PHACTR2: variants seen among roughly 807,000 people sequenced by gnomAD.
PHACTR2 encodes the protein chromosome 6 open reading frame 56.
PHACTR2 carries 30 observed loss-of-function variants against 76.0 expected under a neutral mutation model. The observed-to-expected ratio is 0.39, with a 90% CI of 0.30 to 0.54. The LOEUF (loss-of-function observed/expected upper bound fraction) is 0.54. PHACTR2 is among the 20% of genes least tolerant of loss of function. The probability of loss-of-function intolerance (pLI) is 0.61; values close to 1 mark genes in which losing one functional copy is unlikely to be tolerated. For synonymous variants in PHACTR2, 292 were observed against 292.5 expected (o/e 1.00, Z 0.02); for missense variants, 696 against 781.1 (o/e 0.89, Z 1.30).
chr6:143,826,905 A>G lies in PHACTR2; in HGVS notation c.*3216A>G, dbSNP rs1776541361. On this transcript the variant is annotated 3_prime_UTR_variant, in exon 13 of 13. Transcript: ENST00000440869. ...CCAGAAAAACTGACTTTCTGGTTTC[A>G]TCTTCATATTGTTTAGTAGCATAAT... The G allele has an allele frequency of 6.6e-6, 1 of 151,992 alleles. No individual in the cohort carries two copies. Among genetic ancestry groups the G allele is most frequent in the Non-Finnish European group, 1.5e-5 (1 of 67,966 alleles). The allele number at this position is 151,992 out of a possible 1,614,324, so 9.4% of individuals were successfully genotyped here.
At chr6:143,593,363 G>A (rs536981911) in intron 1 of PHACTR2, among the ~76,000 whole-genome samples, 1 of 152,270 alleles carries the variant, frequency 6.6e-6, no homozygotes, top group African/African-American at 2.4e-5. Context: ...CGGTAGGCCA[G>A]AGAATACTTT....
In PHACTR2 at chr6:143,710,967, C is replaced by A; in HGVS notation, c.47-1049C>A. 1 of 497,630 alleles carries A rather than the reference C, an allele frequency of 2.0e-6. No homozygotes were observed. The highest frequency in any genetic ancestry group is 3.3e-4 in the Middle Eastern group (1 of 3,040). The allele number at this position is 497,630 out of a possible 1,614,324, so 30.8% of individuals were successfully genotyped here. A position where few individuals can be genotyped will look rare whatever the true frequency, so the allele number is the denominator to read the frequency against. ...TTATTATTTTTGACGGACATCAGTA[C>A]ACTTCACCTCTAAACACTTCAGCAT... On this transcript the variant is annotated intron_variant, in intron 1 of 12. Transcript: ENST00000440869. The surrounding 1 kb of genome is among the most constrained non-coding windows in gnomAD (Gnocchi z 4.9).
Position 143,654,335 on chromosome 6 carries a change from T to C in PHACTR2, c.13+46013T>C, listed in dbSNP as rs1374006037. On this transcript the variant is annotated intron_variant, in intron 1 of 11. Coordinates refer to the PHACTR2 transcript ENST00000305766. The surrounding 1 kb of genome is among the most constrained non-coding windows in gnomAD (Gnocchi z 4.6). The stretch of plus-strand genomic sequence containing the variant: ...TTACCATATGAACAGCAATTCTACT[T>C]CTAGGTATATACCCAAAAAAATGAA... Among the ~76,000 whole-genome samples, 1 of 152,192 alleles carries C rather than the reference T, an allele frequency of 6.6e-6. No homozygotes were observed. The highest frequency in any genetic ancestry group is 1.5e-5 in the Non-Finnish European group (1 of 68,034).
At chr6:143,630,203 T>C (rs1431719623) in intron 1 of PHACTR2, among the ~76,000 whole-genome samples, 11 of 78,328 alleles carry the variant, frequency 1.4e-4, no homozygotes, top group Admixed American at 1.1e-3. Context: ...ATCAAAAAAT[T>C]AAAAGACTTT....
intron 1 of PHACTR2, among the ~76,000 whole-genome samples, chr6:143,622,399 C>G (rs916578951): frequency 6.6e-6 from 1 of 152,154 alleles, no homozygotes; most frequent in Admixed American, 6.5e-5. Context: ...CTGTTCTCCT[C>G]GCGTACATCT....
intron 1 of PHACTR2, among the ~76,000 whole-genome samples, chr6:143,702,469 T>C (rs950530833): frequency 1.3e-5 from 2 of 152,148 alleles, no homozygotes; most frequent in Non-Finnish European, 2.9e-5. Flanking sequence ...GTGTTGCTGG[T>C]TCACCATGAG....
rs990226442 is a variant in PHACTR2, at chr6:143,585,126, C to T, written c.217+47919C>T. On this transcript the variant is annotated intron_variant, in intron 1 of 11. Transcript: ENST00000367584. This position sits in a 1 kb window ranked among gnomAD's most constrained non-coding sequence, Gnocchi z 5.2. ...GCAGGACCAAGGCCTGGCAGTAGAC[C>T]CGTACACCAAGGGGGACCAGTGGAA... 1.3e-5 allele frequency among the ~76,000 whole-genome samples: 2 copies of T among 152,074 alleles called. No homozygotes were observed. The highest frequency in any genetic ancestry group is 4.8e-5 in the African/African-American group (2 of 41,400).
Position 143,653,068 on chromosome 6 carries a change from G to A in PHACTR2, c.13+44746G>A, listed in dbSNP as rs907482768. On this transcript the variant is annotated intron_variant, in intron 1 of 11. Transcript: ENST00000305766. This position sits in a 1 kb window ranked among gnomAD's most constrained non-coding sequence, Gnocchi z 4.9. ...AAGAGAATTGTACTTGATGGCACAC[G>A]GTGTGATGGTTGCCTCACTGCCAGA... is the stretch of plus-strand genomic sequence containing the variant. Among the ~76,000 whole-genome samples the A allele has an allele frequency of 6.6e-6, 1 of 152,166 alleles. No homozygotes were observed. The highest frequency in any genetic ancestry group is 2.4e-5 in the African/African-American group (1 of 41,442).
chr6:143,608,421 C>A lies in PHACTR2; in HGVS notation c.13+99C>A. 1 of 1,232,286 alleles carries A rather than the reference C, an allele frequency of 8.1e-7. No individual in the cohort carries two copies. Among genetic ancestry groups the A allele is most frequent in the Non-Finnish European group, 1.2e-6 (1 of 840,858 alleles). 76.3% of individuals were successfully genotyped at this position (1,232,286 alleles called of 1,614,324 possible). On this transcript the variant is annotated intron_variant, in intron 1 of 11. Coordinates refer to the PHACTR2 transcript ENST00000305766. This position sits in a 1 kb window ranked among gnomAD's most constrained non-coding sequence, Gnocchi z 4.6. ...TTGCCTATTTGTTGCTCTCGTTTTG[C>A]ACTTAAATGTTCAAGACTGAGACGC... is the stretch of plus-strand genomic sequence containing the variant.
rs561450803 is a variant in PHACTR2 at position 143,671,342 on chromosome 6, A to T, written c.14-40674A>T. Among the ~76,000 whole-genome samples, 13 of 152,168 alleles carry T rather than the reference A, an allele frequency of 8.5e-5. No individual in the cohort carries two copies. The South Asian group carries it at 2.7e-3, about 32-fold the overall frequency. On this transcript the variant is annotated intron_variant, in intron 1 of 11. Transcript: ENST00000305766. The surrounding 1 kb of genome is among the most constrained non-coding windows in gnomAD (Gnocchi z 4.6). ...CCACACCATTTCCCCTGGATTCCTCAAACATATGCCATGCTCCTGTCTTTA... is the reference window on the plus strand; with the variant it reads ...CCACACCATTTCCCCTGGATTCCTCTAACATATGCCATGCTCCTGTCTTTA...
intron 1 of PHACTR2, among the ~76,000 whole-genome samples, chr6:143,630,645 C>T (rs1776349228): frequency 6.6e-6 from 1 of 152,178 alleles, no homozygotes; most frequent in Admixed American, 6.5e-5. Context: ...ATCCAACACG[C>T]TTGGCAAGGC....
chr6:143,650,079 T>G (rs1392317648), intron 1 of PHACTR2, among the ~76,000 whole-genome samples: 3 of 152,094 alleles, frequency 2.0e-5, no homozygotes, highest in African/African-American at 7.2e-5. Context: ...ATGAATGAAC[T>G]ACCATTCACA....
In PHACTR2 at chr6:143,684,122, T is replaced by C. The variant is rs1777460846; in HGVS notation, c.46+5913T>C. On this transcript the variant is annotated intron_variant, in intron 1 of 12. Transcript: ENST00000440869. The surrounding 1 kb of genome is among the most constrained non-coding windows in gnomAD (Gnocchi z 4.3). The stretch of plus-strand genomic sequence containing the variant: ...ATGTATATGCTCTTATGAACAATAC[T>C]GAAATGAACATCCATATCTATGACC... Among the ~76,000 whole-genome samples the C allele has an allele frequency of 6.6e-6, 1 of 152,190 alleles. No homozygotes were observed. The highest frequency in any genetic ancestry group is 2.1e-4 in the South Asian group (1 of 4,828).
In PHACTR2 at chr6:143,648,047, C is replaced by T. The variant is rs781662699; in HGVS notation, c.13+39725C>T. Among the ~76,000 whole-genome samples, 12 of 152,034 alleles carry T rather than the reference C, an allele frequency of 7.9e-5. No individual in the cohort carries two copies. Among genetic ancestry groups the T allele is most frequent in the Middle Eastern group, 3.2e-3 (1 of 316 alleles). On this transcript the variant is annotated intron_variant, in intron 1 of 11. Transcript: ENST00000305766. This position sits in a 1 kb window ranked among gnomAD's most constrained non-coding sequence, Gnocchi z 6.7. ...GTGACCCGAGAGAGATGTATGGCTG[C>T]GACAGAGCCACAACAGTTGGGAACT...
Position 143,760,696 on chromosome 6 carries a change from TG to T in PHACTR2, c.694+60del. The T allele has an allele frequency of 6.4e-7, 1 of 1,573,976 alleles. No individual in the cohort carries two copies. Among genetic ancestry groups the T allele is most frequent in the Non-Finnish European group, 8.6e-7 (1 of 1,160,142 alleles). On this transcript the variant is annotated intron_variant, in intron 5 of 12. Transcript: ENST00000440869. The surrounding 1 kb of genome is among the most constrained non-coding windows in gnomAD (Gnocchi z 6.4). ...ACTTCTAGGGTGCTTGGCTCTGGGATGGGGCTAATTGTTTCTTCTAGGTGTG... is the reference window on the plus strand; with the variant it reads ...ACTTCTAGGGTGCTTGGCTCTGGGATGGGCTAATTGTTTCTTCTAGGTGTG...
rs1775743812 is a variant in PHACTR2, at chr6:143,595,792, A to C, written c.217+58585A>C. Among the ~76,000 whole-genome samples the C allele has an allele frequency of 6.6e-6, 1 of 152,240 alleles. No individual in the cohort carries two copies. The highest frequency in any genetic ancestry group is 2.1e-4 in the South Asian group (1 of 4,830). The stretch of plus-strand genomic sequence containing the variant: ...ATAAAGAATGTTACCAGAATGTTCT[A>C]CTTAATTTAGCTTTCCAAAGATAAA... On this transcript the variant is annotated intron_variant, in intron 1 of 11. Coordinates refer to the PHACTR2 transcript ENST00000367584. This position sits in a 1 kb window ranked among gnomAD's most constrained non-coding sequence, Gnocchi z 4.2.
At chr6:143,720,184 A>G (rs1047904977) in intron 2 of PHACTR2, among the ~76,000 whole-genome samples, 1 of 152,170 alleles carries the variant, frequency 6.6e-6, no homozygotes, top group Non-Finnish European at 1.5e-5. Flanking sequence ...GATACATACA[A>G]TATGTCAGGA....
rs1367488172 is a variant in PHACTR2, at chr6:143,791,314, A to G, written c.1845+2404A>G. On this transcript the variant is annotated intron_variant, in intron 11 of 12. Transcript: ENST00000440869. This position sits in a 1 kb window ranked among gnomAD's most constrained non-coding sequence, Gnocchi z 4.7. ...TTCTAACCTAAGATAGACTCTCCAG[A>G]TCATTAATTTTCATCCTTCCTTACT... Among the ~76,000 whole-genome samples the G allele has an allele frequency of 3.9e-5, 6 of 152,096 alleles. No homozygotes were observed. The highest frequency in any genetic ancestry group is 1.4e-4 in the African/African-American group (6 of 41,408).
chr6:143,593,046 CAAAAAAAAAAAAAAA>C (rs67052242), intron 1 of PHACTR2, among the ~76,000 whole-genome samples: 1 of 78,888 alleles, frequency 1.3e-5, no homozygotes, highest in African/African-American at 5.0e-5. Context: ...GACCCTGCCT[CAAAAAAAAAAAAAAA>C]AAAAAAAAAG....
Sources: gnomAD v4.1 joint callset for allele counts (sites outside exome capture counted in the v4.1 genomes callset) on GRCh38, gnomAD v4.1.1 for gene constraint, Gnocchi (gnomAD v3.1) non-coding constraint, MANE v1.5 for transcripts, NCBI Gene and HGNC (gene_info 2026-07-23, HGNC 2026-07-21) for gene names.